The following SNX29 variants were observed in gnomAD, a reference collection of about 807,000 sequenced individuals.
The protein encoded by SNX29 is sorting nexin 29, also known as sorting nexin-29.
SNX29 carries 78 observed loss-of-function variants against 102.1 expected under a neutral mutation model. The ratio of observed to expected loss-of-function variants is 0.76; its 90% CI spans 0.64 to 0.92. The LOEUF (loss-of-function observed/expected upper bound fraction) is 0.92. Among genes scored for constraint, SNX29 ranks in the 40% least tolerant of loss-of-function variants. The pLI is 0.00. For missense variants in SNX29, 1,280 were observed against 1,061.7 expected, an observed-to-expected ratio of 1.21 and a Z score of -2.86; for synonymous variants, 580 against 414.5, an observed-to-expected ratio of 1.40 and a Z score of -4.85.
At chr16:12,561,108 C>A (rs935206967) in intron 20 of SNX29, 3 of 226,550 alleles carry the variant, frequency 1.3e-5, no homozygotes, top group African/African-American at 6.7e-5. Context: ...TTAGATTTCA[C>A]GGGGCACCCA....
chr16:12,573,096 C>A lies in SNX29; in HGVS notation c.*4467C>A, dbSNP rs1295518011. On this transcript the variant is annotated 3_prime_UTR_variant, in exon 21 of 21. Transcript: ENST00000566228. ...TCATTTCTGTGCCAAGAAAGTTCAT[C>A]TTTATGTTTTTCTAATACACAATCT... The A allele has an allele frequency of 4.3e-6, 1 of 230,202 alleles. No individual in the cohort carries two copies. The highest frequency in any genetic ancestry group is 6.2e-5 in the East Asian group (1 of 16,004). 14.3% of individuals were successfully genotyped at this position (230,202 alleles called of 1,614,324 possible).
chr16:12,567,299 C>T (rs770622395), intron 20 of SNX29, among the ~76,000 whole-genome samples: 9 of 150,888 alleles, frequency 6.0e-5, no homozygotes, highest in South Asian at 2.1e-4. Context: ...TCCAGCAAGC[C>T]ACAGCAGCAC....
chr16:12,078,021 A>G (rs1424212648), intron 10 of SNX29, among the ~76,000 whole-genome samples: 1 of 152,190 alleles, frequency 6.6e-6, no homozygotes, highest in Non-Finnish European at 1.5e-5. Flanking sequence ...ATTCATTAAC[A>G]TTGAATTCAC....
chr16:12,057,822 A>G (rs1038761158), intron 8 of SNX29, among the ~76,000 whole-genome samples: 16 of 68,406 alleles, frequency 2.3e-4, no homozygotes, highest in Non-Finnish European at 3.7e-4. Context: ...TATTTTATAT[A>G]TATATTTTTT....
At chr16:12,429,769 T>C (rs2085237693) in intron 18 of SNX29, among the ~76,000 whole-genome samples, 1 of 152,244 alleles carries the variant, frequency 6.6e-6, no homozygotes, top group Non-Finnish European at 1.5e-5. Context: ...CTCTTCAGGC[T>C]TGTTTTGTAT....
intron 15 of SNX29, among the ~76,000 whole-genome samples, chr16:12,290,581 A>G (rs2079760092): frequency 6.6e-6 from 1 of 152,200 alleles, no homozygotes; most frequent in Non-Finnish European, 1.5e-5. Context: ...GTATGATTTA[A>G]TAATTTTTTT....
At chr16:11,994,896 A>C (rs74576169) in intron 1 of SNX29, among the ~76,000 whole-genome samples, 94 of 152,226 alleles carry the variant, frequency 6.2e-4, no homozygotes, top group Non-Finnish European at 1.2e-3. Context: ...TGCAGAAACC[A>C]GTGGCCAGAC....
At chr16:12,388,559 C>T (rs1485311848) in intron 16 of SNX29, among the ~76,000 whole-genome samples, 1 of 152,174 alleles carries the variant, frequency 6.6e-6, no homozygotes, top group Non-Finnish European at 1.5e-5. Context: ...CCGTAAATGC[C>T]CACATAGTAC....
chr16:12,021,639 G>C (rs2057024221), intron 3 of SNX29, among the ~76,000 whole-genome samples: 1 of 152,054 alleles, frequency 6.6e-6, no homozygotes, highest in Non-Finnish European at 1.5e-5. Flanking sequence ...TGTAATCCTA[G>C]CACTTTGGGG....
chr16:12,265,167 T>C (rs1322756410), intron 14 of SNX29, among the ~76,000 whole-genome samples: 1 of 152,222 alleles, frequency 6.6e-6, no homozygotes, highest in Non-Finnish European at 1.5e-5. Flanking sequence ...CAAATACTTT[T>C]GCACCACTTG....
chr16:11,999,365 A>G lies in SNX29; in HGVS notation c.69+7A>G, dbSNP rs761399766. Reference sequence around the variant, plus strand: ...GCTGGATGCAGTGAAACAGGTAAGCAGAAAGCACACATTTGCCTTTTTGGT... The same window carrying G: ...GCTGGATGCAGTGAAACAGGTAAGCGGAAAGCACACATTTGCCTTTTTGGT... On this transcript the variant is annotated splice_region_variant and intron_variant, in intron 2 of 20. Coordinates refer to ENST00000566228, the MANE Select transcript of SNX29 (RefSeq NM_032167.5). 7 of 1,613,922 alleles carry G rather than the reference A, an allele frequency of 4.3e-6. No individual in the cohort carries two copies. Among genetic ancestry groups the G allele is most frequent in the Non-Finnish European group, 5.9e-6 (7 of 1,179,940 alleles).
At chr16:12,568,304 T>TAA (rs34750195) in intron 20 of SNX29, among the ~76,000 whole-genome samples, 54,432 of 146,228 alleles carry the variant, frequency 0.37, 10,556 homozygotes, top group Middle Eastern at 0.46. Context: ...GGAGTGCTGT[T>TAA]AAAAAAAAAA....
intron 14 of SNX29, among the ~76,000 whole-genome samples, chr16:12,264,267 A>C (rs533201280): frequency 7.2e-5 from 11 of 152,314 alleles, no homozygotes; most frequent in African/African-American, 2.6e-4. Context: ...GTGGTATGGC[A>C]TAGAGTCCTA....
At chr16:12,288,821 C>T (rs775336379) in intron 15 of SNX29, among the ~76,000 whole-genome samples, 42 of 152,118 alleles carry the variant, frequency 2.8e-4, no homozygotes, top group African/African-American at 7.7e-4. Flanking sequence ...ATGATGAAGC[C>T]GAGGCTTGGA....
chr16:12,292,009 C>G (rs2079813841), intron 15 of SNX29, among the ~76,000 whole-genome samples: 1 of 152,158 alleles, frequency 6.6e-6, no homozygotes, highest in South Asian at 2.1e-4. Flanking sequence ...AGCAAGCAAT[C>G]AGTGAATCAA....
intron 18 of SNX29, among the ~76,000 whole-genome samples, chr16:12,474,723 T>C (rs373929349): frequency 6.6e-6 from 1 of 152,272 alleles, no homozygotes; most frequent in Non-Finnish European, 1.5e-5. Context: ...GGCTTTACCC[T>C]GTGGGCTGTT....
At chr16:12,318,384 G>A (rs1040037714) in intron 15 of SNX29, among the ~76,000 whole-genome samples, 4 of 152,164 alleles carry the variant, frequency 2.6e-5, no homozygotes, top group Non-Finnish European at 2.9e-5. Flanking sequence ...TTGCCGGATG[G>A]GAACCAGCAG....
At chr16:12,218,145 C>A (rs2077374127) in intron 14 of SNX29, among the ~76,000 whole-genome samples, 1 of 152,190 alleles carries the variant, frequency 6.6e-6, no homozygotes, top group Non-Finnish European at 1.5e-5. Context: ...TGGAAGTAGA[C>A]ACTGGAGCTT....
Position 12,573,806 on chromosome 16 carries a change from G to A in SNX29, c.*5177G>A, listed in dbSNP as rs954547241. 3 of 220,072 alleles carry A rather than the reference G, an allele frequency of 1.4e-5. No homozygotes were observed. The highest frequency in any genetic ancestry group is 5.8e-5 in the Admixed American group (1 of 17,370). 13.6% of individuals were successfully genotyped at this position (220,072 alleles called of 1,614,324 possible). A position where few individuals can be genotyped will look rare whatever the true frequency, so the allele number is the denominator to read the frequency against. On this transcript the variant is annotated 3_prime_UTR_variant, in exon 21 of 21. Coordinates refer to ENST00000566228, the MANE Select transcript of SNX29 (RefSeq NM_032167.5). ...TAATTTCCCGGAGTGAAGGGGATGG[G>A]GGTAGAGCTAATTGGAATTTTTATT...
Sources: allele counts gnomAD v4.1 joint callset (sites outside exome capture counted in the v4.1 genomes callset), GRCh38; gene constraint gnomAD v4.1.1; transcripts MANE v1.5; gene names NCBI Gene and HGNC (gene_info 2026-07-23, HGNC 2026-07-21).